DOCK3: variants seen among roughly 807,000 people sequenced by gnomAD.
DOCK3 encodes dedicator of cytokinesis 3, also known as dedicator of cytokinesis protein 3.
Under a neutral mutation model 265.6 loss-of-function variants are expected in DOCK3, and 60 were observed. The ratio of observed to expected loss-of-function variants is 0.23; its 90% confidence interval spans 0.18 to 0.28. The LOEUF is 0.28. Among genes scored for constraint, DOCK3 ranks in the 10% least tolerant of loss-of-function variants. The probability of loss-of-function intolerance (pLI) is 1.00; values close to 1 mark genes in which losing one functional copy is unlikely to be tolerated. For missense variants in DOCK3, 1,981 were observed against 2,594.3 expected, an observed-to-expected ratio of 0.76 and a Z score of 5.14; for synonymous variants, 881 against 938.0, an observed-to-expected ratio of 0.94 and a Z score of 1.11.
At chr3:50,873,330 T>C (rs1456792623) in intron 3 of DOCK3, among the ~76,000 whole-genome samples, 1 of 152,116 alleles carries the variant, frequency 6.6e-6, no homozygotes, top group East Asian at 1.9e-4. Flanking sequence ...AGAAATGTCA[T>C]CTGGGAGCTA....
intron 21 of DOCK3, among the ~76,000 whole-genome samples, chr3:51,238,042 C>T (rs1350252309): frequency 6.7e-6 from 1 of 149,468 alleles, no homozygotes. Context: ...GTCTTCAAGG[C>T]TCATCCATGT....
intron 1 of DOCK3, among the ~76,000 whole-genome samples, chr3:50,770,798 GT>G (rs375271579): frequency 9.7e-4 from 147 of 152,306 alleles, no homozygotes; most frequent in African/African-American, 3.4e-3. Flanking sequence ...TAGGGTTAGA[GT>G]TAAGGTTAAC....
intron 9 of DOCK3, among the ~76,000 whole-genome samples, chr3:51,100,664 A>G (rs1303468653): frequency 6.6e-6 from 1 of 152,202 alleles, no homozygotes; most frequent in Non-Finnish European, 1.5e-5. Context: ...CAAAAATACT[A>G]ATTCTCTTCA....
At chr3:51,315,249 T>A in intron 32 of DOCK3, 121 bp downstream of exon 32, 3 of 1,279,894 alleles carry the variant, frequency 2.3e-6, no homozygotes, top group Non-Finnish European at 3.1e-6. Flanking sequence ...CTAATTTGAA[T>A]CCTGTTCAAG....
At position 50,675,178 on chromosome 3, in the gene DOCK3, C is replaced by T; in HGVS notation, c.-86C>T. 1.0e-6 allele frequency: 1 copy of T among 966,132 alleles called. No homozygotes were observed. The highest frequency in any genetic ancestry group is 1.3e-6 in the Non-Finnish European group (1 of 793,838). The allele number at this position is 966,132 out of a possible 1,614,324, so 59.8% of individuals were successfully genotyped here. A position where few individuals can be genotyped will look rare whatever the true frequency, so the allele number is the denominator to read the frequency against. On this transcript the variant is annotated 5_prime_UTR_variant, in exon 1 of 53. Coordinates refer to ENST00000266037, the MANE Select transcript of DOCK3 (RefSeq NM_004947.5). This position sits in a 1 kb window ranked among gnomAD's most constrained non-coding sequence, Gnocchi z 6.1. Reference sequence around the variant, plus strand: ...CCGCCTGACCGTCCCCGCCTCGACTCGCGGTGCGCCACAGCCGGGCCCGCG... The same window carrying T: ...CCGCCTGACCGTCCCCGCCTCGACTTGCGGTGCGCCACAGCCGGGCCCGCG...
At chr3:51,251,823 G>C (rs62257497) in intron 22 of DOCK3, among the ~76,000 whole-genome samples, 2,151 of 152,240 alleles carry the variant, frequency 0.014, 54 homozygotes, top group African/African-American at 0.045. Flanking sequence ...CCTGTTCACT[G>C]TGATGATAGC....
intron 12 of DOCK3, among the ~76,000 whole-genome samples, chr3:51,190,721 G>A (rs2107834343): frequency 6.6e-6 from 1 of 152,298 alleles, no homozygotes; most frequent in East Asian, 1.9e-4. Context: ...TGGTTTCTCA[G>A]GTGAGGGGTG....
intron 9 of DOCK3, among the ~76,000 whole-genome samples, chr3:51,121,041 CA>C (rs1244624557): frequency 6.6e-6 from 1 of 152,048 alleles, no homozygotes; most frequent in East Asian, 1.9e-4. Flanking sequence ...CAAAAACAAA[CA>C]AAAAAACTCC....
intron 12 of DOCK3, among the ~76,000 whole-genome samples, chr3:51,184,166 C>T (rs2087458548): frequency 1.3e-5 from 2 of 152,116 alleles, no homozygotes; most frequent in Admixed American, 1.3e-4. Flanking sequence ...CAAAAATTAG[C>T]CGGCCAAGGT....
At chr3:51,023,677 A>T (rs998551032) in intron 5 of DOCK3, among the ~76,000 whole-genome samples, 1 of 152,076 alleles carries the variant, frequency 6.6e-6, no homozygotes, top group African/African-American at 2.4e-5. Context: ...TGGCCTCCCA[A>T]AGTGCTGGGA....
At chr3:50,743,993 T>C (rs1222731390) in intron 1 of DOCK3, among the ~76,000 whole-genome samples, 1 of 152,214 alleles carries the variant, frequency 6.6e-6, no homozygotes, top group Non-Finnish European at 1.5e-5. Context: ...TCGTAGTGTA[T>C]GTGAAGTAGT....
intron 5 of DOCK3, among the ~76,000 whole-genome samples, chr3:51,023,058 G>C (rs2079661556): frequency 6.6e-6 from 1 of 152,038 alleles, no homozygotes; most frequent in Admixed American, 6.6e-5. Context: ...GAATTTTCTA[G>C]GAATTCTTTG....
At chr3:50,751,827 A>C (rs2039831953) in intron 1 of DOCK3, among the ~76,000 whole-genome samples, 1 of 152,168 alleles carries the variant, frequency 6.6e-6, no homozygotes, top group Non-Finnish European at 1.5e-5. Flanking sequence ...AAGGGGAAGC[A>C]AGCTTGGACC....
At chr3:51,095,878 A>AAAAAAAATTTT (rs2082832425) in intron 9 of DOCK3, among the ~76,000 whole-genome samples, 1 of 123,758 alleles carries the variant, frequency 8.1e-6, no homozygotes, top group African/African-American at 3.0e-5. Context: ...AAAAAAAAAG[A>AAAAAAAATTTT]ATGTTGACTA....
chr3:51,184,763 T>G (rs2087500059), intron 12 of DOCK3, among the ~76,000 whole-genome samples: 1 of 152,158 alleles, frequency 6.6e-6, no homozygotes, highest in African/African-American at 2.4e-5. Context: ...CGTACTGAAC[T>G]CTTTCTAAAA....
chr3:50,893,184 A>G, intron 4 of DOCK3: 1 of 229,190 alleles, frequency 4.4e-6, no homozygotes. Flanking sequence ...GCAGGCCCCA[A>G]AGCAAAGCTG....
intron 2 of DOCK3, among the ~76,000 whole-genome samples, chr3:50,813,456 A>C (rs1439676171): frequency 6.6e-6 from 1 of 151,984 alleles, no homozygotes; most frequent in African/African-American, 2.4e-5. Flanking sequence ...TTGAACCCAG[A>C]AGTTTGAGGG....
At chr3:51,369,408 A>G (rs960325323) in intron 49 of DOCK3, among the ~76,000 whole-genome samples, 1 of 152,260 alleles carries the variant, frequency 6.6e-6, no homozygotes, top group Non-Finnish European at 1.5e-5. Flanking sequence ...CACAAGCTTC[A>G]GTAGCCGATT....
intron 27 of DOCK3, among the ~76,000 whole-genome samples, chr3:51,281,503 A>G (rs1168959749): frequency 6.6e-6 from 1 of 151,602 alleles, no homozygotes; most frequent in Admixed American, 6.6e-5. Context: ...AGGATTTCCC[A>G]CTCTTGCTAT....
Sources: allele counts gnomAD v4.1 joint callset (sites outside exome capture counted in the v4.1 genomes callset), GRCh38; gene constraint gnomAD v4.1.1; non-coding constraint Gnocchi (gnomAD v3.1); transcripts MANE v1.5; gene names NCBI Gene and HGNC (gene_info 2026-07-23, HGNC 2026-07-21).